The following STK38L variants were observed in gnomAD, a reference collection of about 807,000 sequenced individuals.
STK38L encodes serine/threonine-protein kinase 38-like.
STK38L carries 28 observed loss-of-function variants against 59.7 expected under a neutral mutation model. That is an observed-to-expected ratio of 0.47 (90% CI 0.35 to 0.64). STK38L has a LOEUF of 0.64. Among genes scored for constraint, STK38L ranks in the 30% least tolerant of loss-of-function variants. The probability of loss-of-function intolerance (pLI) is 0.01; values close to 1 mark genes in which losing one functional copy is unlikely to be tolerated. For missense variants in STK38L, 314 were observed against 555.8 expected (o/e 0.56, Z 4.37); for synonymous variants, 162 against 176.8 (o/e 0.92, Z 0.66).
At chr12:27,277,623 T>A (rs12320454) in intron 1 of STK38L, among the ~76,000 whole-genome samples, 7,260 of 152,200 alleles carry the variant, frequency 0.048, 566 homozygotes, top group African/African-American at 0.16. Context: ...ATATCTTATC[T>A]CATAATTCTT....
chr12:27,302,687 C>T (rs906364404), intron 3 of STK38L, among the ~76,000 whole-genome samples: 37 of 152,252 alleles, frequency 2.4e-4, no homozygotes, highest in African/African-American at 6.5e-4. Flanking sequence ...TAACCCTTCA[C>T]TGGCTCCCTT....
chr12:27,308,134 C>T lies in STK38L; in HGVS notation c.187-205C>T, dbSNP rs1435878891. ...TAGACAAATATGATGGACTGAATTA[C>T]ATATTTAATGGAGTCCACCTCAAAA... On this transcript the variant is annotated intron_variant, in intron 3 of 13. Transcript: ENST00000389032. The surrounding 1 kb of genome is among the most constrained non-coding windows in gnomAD (Gnocchi z 4.5). 6.6e-6 allele frequency among the ~76,000 whole-genome samples: 1 copy of T among 151,486 alleles called. No individual in the cohort carries two copies. Among genetic ancestry groups the T allele is most frequent in the Non-Finnish European group, 1.5e-5 (1 of 67,952 alleles).
intron 1 of STK38L, among the ~76,000 whole-genome samples, chr12:27,280,625 G>A (rs1315004252): frequency 2.0e-5 from 3 of 152,144 alleles, no homozygotes; most frequent in Admixed American, 6.5e-5. Flanking sequence ...TGGCATCTTC[G>A]CCAGGATGAC....
In STK38L at chr12:27,308,303, A is replaced by G. The variant is rs1173488114; in HGVS notation, c.187-36A>G. On this transcript the variant is annotated intron_variant, in intron 3 of 13. Coordinates refer to ENST00000389032, the MANE Select transcript of STK38L (RefSeq NM_015000.4). This position sits in a 1 kb window ranked among gnomAD's most constrained non-coding sequence, Gnocchi z 4.5. ...GAAGCTCCATCAAAACAACCTAATT[A>G]TAAAATCATCCGTTTAAATTGTTTT... 1.3e-6 allele frequency: 2 copies of G among 1,486,558 alleles called. No homozygotes were observed. The highest frequency in any genetic ancestry group is 2.8e-5 in the African/African-American group (2 of 70,218). 92.1% of individuals were successfully genotyped at this position (1,486,558 alleles called of 1,614,324 possible). A position where few individuals can be genotyped will look rare whatever the true frequency, so the allele number is the denominator to read the frequency against.
intron 1 of STK38L, among the ~76,000 whole-genome samples, chr12:27,265,549 C>T (rs1406854651): frequency 6.6e-6 from 1 of 152,172 alleles, no homozygotes; most frequent in African/African-American, 2.4e-5. Context: ...AAGCAGAGAC[C>T]TCTGTATCCC....
Position 27,299,692 on chromosome 12 carries a change from CAG to C in STK38L, c.134+1841_134+1842del, listed in dbSNP as rs556869400. On this transcript the variant is annotated intron_variant, in intron 2 of 13. Coordinates refer to ENST00000389032, the MANE Select transcript of STK38L (RefSeq NM_015000.4). ...GTAGAAAGGGCATAGAGATTAGCTT[CAG>C]AGTTTGACAAATTATGTTGTAAGTT... is the stretch of plus-strand genomic sequence containing the variant. 3.7e-3 allele frequency among the ~76,000 whole-genome samples: 556 copies of C among 151,976 alleles called. 4 individuals carry two copies. Among genetic ancestry groups the C allele is most frequent in the African/African-American group, 0.013 (526 of 41,462 alleles).
chr12:27,253,790 G>GCC, intron 1 of STK38L, among the ~76,000 whole-genome samples: 1 of 152,226 alleles, frequency 6.6e-6, no homozygotes, highest in Non-Finnish European at 1.5e-5. Flanking sequence ...AAGACACGAA[G>GCC]CATATTAGGG....
intron 2 of STK38L, among the ~76,000 whole-genome samples, chr12:27,301,463 T>C (rs1321718168): frequency 1.3e-5 from 2 of 152,174 alleles, no homozygotes; most frequent in Non-Finnish European, 2.9e-5. Context: ...GGTTTCACAG[T>C]GTTAGCCAAG....
At chr12:27,316,498 A>G (rs1374748120) in intron 9 of STK38L, among the ~76,000 whole-genome samples, 1 of 152,156 alleles carries the variant, frequency 6.6e-6, no homozygotes. Context: ...GTGTTTCCCA[A>G]GGGAGAAGTA....
At chr12:27,263,872 C>G (rs1943252163) in intron 1 of STK38L, among the ~76,000 whole-genome samples, 1 of 152,078 alleles carries the variant, frequency 6.6e-6, no homozygotes, top group Admixed American at 6.5e-5. Context: ...TAATAAATGG[C>G]AAGACATGTT....
intron 1 of STK38L, among the ~76,000 whole-genome samples, chr12:27,269,247 T>C (rs1202537878): frequency 6.6e-6 from 1 of 152,084 alleles, no homozygotes; most frequent in African/African-American, 2.4e-5. Context: ...GTTTTTATGG[T>C]TTTTAGGTCT....
chr12:27,263,681 T>C (rs1943247885), intron 1 of STK38L, among the ~76,000 whole-genome samples: 1 of 152,224 alleles, frequency 6.6e-6, no homozygotes, highest in South Asian at 2.1e-4. Context: ...AAGTTGGTCA[T>C]TTCTCACTGG....
At chr12:27,248,051 GT>G (rs1942894532) in intron 1 of STK38L, among the ~76,000 whole-genome samples, 1 of 152,142 alleles carries the variant, frequency 6.6e-6, no homozygotes, top group Non-Finnish European at 1.5e-5. Flanking sequence ...CTTGGCTCAA[GT>G]GATCCTCCTG....
chr12:27,271,167 G>A (rs2136617860), intron 1 of STK38L, among the ~76,000 whole-genome samples: 1 of 152,342 alleles, frequency 6.6e-6, no homozygotes, highest in Admixed American at 6.5e-5. Flanking sequence ...AGATCACACA[G>A]CCAGCAGGAA....
In STK38L at chr12:27,313,925, C is replaced by T. The variant is rs542084589; in HGVS notation, c.518-579C>T. On this transcript the variant is annotated intron_variant, in intron 6 of 13. Transcript: ENST00000389032. Reference sequence around the variant, plus strand: ...TTTTTTTGCAGTTTGACATTTTCCTCAGCAGTTAATTCTAGAAGTTGAGTG... The same window carrying T: ...TTTTTTTGCAGTTTGACATTTTCCTTAGCAGTTAATTCTAGAAGTTGAGTG... 1.1e-3 allele frequency among the ~76,000 whole-genome samples: 168 copies of T among 152,228 alleles called. 5 individuals are homozygous for T. The South Asian group carries it at 0.034, about 31-fold the overall frequency.
chr12:27,254,372 A>G (rs989397440), intron 1 of STK38L, among the ~76,000 whole-genome samples: 1 of 152,162 alleles, frequency 6.6e-6, no homozygotes, highest in African/African-American at 2.4e-5. Context: ...CATGACCCTA[A>G]ACTTCAGATG....
At chr12:27,298,688 G>A (rs1051195402) in intron 2 of STK38L, among the ~76,000 whole-genome samples, 4 of 149,458 alleles carry the variant, frequency 2.7e-5, no homozygotes, top group African/African-American at 1.0e-4. Flanking sequence ...ATTTAAACAG[G>A]GCTCTAAAGG....
At chr12:27,306,791 T>C (rs1392581441) in intron 3 of STK38L, among the ~76,000 whole-genome samples, 1 of 149,758 alleles carries the variant, frequency 6.7e-6, no homozygotes, top group East Asian at 2.0e-4. Flanking sequence ...TCACCCAGGC[T>C]GGAGTGCAAT....
At chr12:27,250,577 T>C (rs1942950478) in intron 1 of STK38L, among the ~76,000 whole-genome samples, 1 of 152,172 alleles carries the variant, frequency 6.6e-6, no homozygotes, top group Non-Finnish European at 1.5e-5. Flanking sequence ...TTATATATAT[T>C]ATCTCATTTA....
Sources: gnomAD v4.1 joint callset for allele counts (sites outside exome capture counted in the v4.1 genomes callset) on GRCh38, gnomAD v4.1.1 for gene constraint, Gnocchi (gnomAD v3.1) non-coding constraint, MANE v1.5 for transcripts, NCBI Gene and HGNC (gene_info 2026-07-23, HGNC 2026-07-21) for gene names.